LGR4: variants seen among roughly 807,000 people sequenced by gnomAD.
LGR4 encodes the protein leucine-rich repeat-containing G protein-coupled receptor 4.
A neutral mutation model predicts 84.8 loss-of-function variants in LGR4; 44 were observed. The observed-to-expected ratio is 0.52, with a 90% CI of 0.41 to 0.67. The LOEUF (loss-of-function observed/expected upper bound fraction) is 0.67, where lower values mean the gene tolerates loss of function less well. Among genes scored for constraint, LGR4 ranks in the 30% least tolerant of loss-of-function variants. LGR4 has a pLI of 0.00. For synonymous variants in LGR4, 429 were observed against 434.3 expected, an observed-to-expected ratio of 0.99 and a Z score of 0.15; for missense variants, 1,032 against 1,131.4, an observed-to-expected ratio of 0.91 and a Z score of 1.26.
intron 1 of LGR4, among the ~76,000 whole-genome samples, chr11:27,456,222 G>C (rs1009105090): frequency 1.3e-5 from 2 of 152,140 alleles, no homozygotes; most frequent in African/African-American, 2.4e-5. Context: ...ATGAATAATA[G>C]CCCTGCTGCT....
chr11:27,471,915 C>G (rs1421457188), intron 1 of LGR4: 2 of 358,918 alleles, frequency 5.6e-6, no homozygotes, highest in Non-Finnish European at 9.9e-6. Flanking sequence ...TGGCTCGAAC[C>G]CGGACTAGCA....
rs965136246 is a variant in LGR4, at chr11:27,393,926, T to C, written c.258-1408A>G. ...TTACCTAGCATTAACACAGAGGCGA[T>C]TGCACTGAAGATTGGGGGGGGGGGG... On this transcript the variant is annotated intron_variant, in intron 2 of 17. Coordinates refer to ENST00000379214, the MANE Select transcript of LGR4 (RefSeq NM_018490.5). Among the ~76,000 whole-genome samples, 45 of 63,060 alleles carry C rather than the reference T, an allele frequency of 7.1e-4. No homozygotes were observed. The East Asian group carries it at 0.021, about 29-fold the overall frequency. The allele number at this position is 63,060 out of a possible 152,430, so 41.4% of individuals were successfully genotyped here.
At chr11:27,391,415 T>C (rs1027283574) in intron 3 of LGR4, among the ~76,000 whole-genome samples, 1 of 152,218 alleles carries the variant, frequency 6.6e-6, no homozygotes, top group East Asian at 1.9e-4. Flanking sequence ...GTAATCCATG[T>C]TTCCAAGGGT....
chr11:27,375,223 C>T (rs566281398), intron 13 of LGR4, among the ~76,000 whole-genome samples: 5 of 145,952 alleles, frequency 3.4e-5, no homozygotes, highest in Admixed American at 2.1e-4. Flanking sequence ...TGAGCTCAGG[C>T]GTTGGAGGAT....
intron 1 of LGR4, among the ~76,000 whole-genome samples, chr11:27,427,001 G>A (rs1460918856): frequency 2.0e-5 from 3 of 152,148 alleles, no homozygotes; most frequent in African/African-American, 4.8e-5. Flanking sequence ...ATGACCTAAT[G>A]TTACAACAAA....
intron 2 of LGR4, among the ~76,000 whole-genome samples, chr11:27,407,800 G>A (rs1257664429): frequency 2.6e-5 from 4 of 152,006 alleles, no homozygotes; most frequent in African/African-American, 9.7e-5. Flanking sequence ...GGTTATTCAA[G>A]AGAATATCCT....
In LGR4 at chr11:27,472,765, T is replaced by A; in HGVS notation, c.-463A>T. The A allele has an allele frequency of 3.0e-6, 1 of 333,606 alleles. No homozygotes were observed. The highest frequency in any genetic ancestry group is 5.4e-6 in the Non-Finnish European group (1 of 184,836). 20.7% of individuals were successfully genotyped at this position (333,606 alleles called of 1,614,324 possible). On this transcript the variant is annotated 5_prime_UTR_variant, in exon 1 of 18. In the 5' UTR this introduces an upstream ATG that the reference lacks. Transcript: ENST00000379214. ...GCCGCGGCTCAATCTCTTCCCGTCC[T>A]TTTCCCTTCTAGGGTTGCACGCTCT...
chr11:27,369,858 C>G (rs1425132721), intron 17 of LGR4, among the ~76,000 whole-genome samples: 1 of 152,108 alleles, frequency 6.6e-6, no homozygotes, highest in African/African-American at 2.4e-5. Context: ...TCCAGAGAAA[C>G]TGATATTTCA....
intron 10 of LGR4, 69 bp from the exon 11 acceptor site, chr11:27,378,837 T>G: frequency 9.7e-7 from 1 of 1,032,640 alleles, no homozygotes; most frequent in Non-Finnish European, 1.5e-6. Flanking sequence ...TATTCCCATA[T>G]AGAATAAGTG....
rs763528424 is a variant in LGR4 at position 27,372,411 on chromosome 11, G to A, written c.1380-13C>T. On this transcript the variant is annotated splice_polypyrimidine_tract_variant and intron_variant, in intron 15 of 17. Coordinates refer to ENST00000379214, the MANE Select transcript of LGR4 (RefSeq NM_018490.5). Reference sequence around the variant, plus strand: ...TACTGATAAAGACCTGGAAAAAAAAGTTGTAAAATCTACACTGAACAGCAA... The same window carrying A: ...TACTGATAAAGACCTGGAAAAAAAAATTGTAAAATCTACACTGAACAGCAA... 6.6e-7 allele frequency: 1 copy of A among 1,514,634 alleles called. No individual in the cohort carries two copies. Among genetic ancestry groups the A allele is most frequent in the Non-Finnish European group, 9.2e-7 (1 of 1,090,088 alleles). 93.8% of individuals were successfully genotyped at this position (1,514,634 alleles called of 1,614,324 possible).
intron 2 of LGR4, among the ~76,000 whole-genome samples, chr11:27,400,652 G>A (rs950992876): frequency 2.6e-5 from 4 of 151,868 alleles, no homozygotes; most frequent in Non-Finnish European, 4.4e-5. Flanking sequence ...ACAGGCGCCC[G>A]CCACTATGCC....
chr11:27,392,282 G>C (rs965091866), intron 3 of LGR4, among the ~76,000 whole-genome samples, 165 bp downstream of exon 3: 9 of 151,948 alleles, frequency 5.9e-5, no homozygotes, highest in Non-Finnish European at 1.0e-4. Context: ...CTAGATGCAG[G>C]GTTGCCTAAA....
chr11:27,399,058 G>C (rs1800197862), intron 2 of LGR4, among the ~76,000 whole-genome samples: 2 of 151,978 alleles, frequency 1.3e-5, no homozygotes, highest in Admixed American at 1.3e-4. Flanking sequence ...TTACAGCCAT[G>C]TACCACCACA....
At chr11:27,456,961 A>T (rs1270072719) in intron 1 of LGR4, among the ~76,000 whole-genome samples, 1 of 151,892 alleles carries the variant, frequency 6.6e-6, no homozygotes, top group Non-Finnish European at 1.5e-5. Context: ...TTTTTCCTGT[A>T]ATAACCTGTA....
At chr11:27,449,638 AAG>A (rs1491457323) in intron 1 of LGR4, among the ~76,000 whole-genome samples, 1 of 151,996 alleles carries the variant, frequency 6.6e-6, no homozygotes, top group African/African-American at 2.4e-5. Flanking sequence ...AGAAAAAAAA[AAG>A]AAGAAGACCA....
chr11:27,377,265 G>T, intron 11 of LGR4, 42 bp from the exon 12 acceptor site: 5 of 1,027,062 alleles, frequency 4.9e-6, no homozygotes, highest in South Asian at 1.4e-5. Context: ...TATGTTATCA[G>T]AGTATTATAT....
At chr11:27,382,297 G>A (rs768789573) in intron 6 of LGR4, 41 bp from the exon 7 acceptor site, 20 of 1,300,058 alleles carry the variant, frequency 1.5e-5, no homozygotes, top group Non-Finnish European at 2.2e-5. Flanking sequence ...ATATTAAATA[G>A]TGGTCATAAT....
At chr11:27,456,268 T>A (rs1864575009) in intron 1 of LGR4, among the ~76,000 whole-genome samples, 6 of 152,168 alleles carry the variant, frequency 3.9e-5, no homozygotes, top group South Asian at 2.1e-4. Flanking sequence ...TGGGAACCCA[T>A]CAAGTCTGTA....
intron 2 of LGR4, among the ~76,000 whole-genome samples, chr11:27,394,092 C>T (rs1172954756): frequency 6.6e-6 from 1 of 152,128 alleles, no homozygotes; most frequent in Non-Finnish European, 1.5e-5. Flanking sequence ...AGTTCATGCT[C>T]CTAAACTAAA....
Sources: gnomAD v4.1 joint callset for allele counts (sites outside exome capture counted in the v4.1 genomes callset) on GRCh38, gnomAD v4.1.1 for gene constraint, MANE v1.5 for transcripts, NCBI Gene and HGNC (gene_info 2026-07-23, HGNC 2026-07-21) for gene names.